The following DNMT3A variants were observed in gnomAD, a reference collection of about 807,000 sequenced individuals.
The protein encoded by DNMT3A is DNA (cytosine-5)-methyltransferase 3A.
DNMT3A carries 267 observed loss-of-function variants against 117.6 expected under a neutral mutation model. The observed-to-expected ratio is 2.27, with a 90% CI of 2.05 to 2.51. DNMT3A has a LOEUF of 2.51. Ranked by LOEUF, DNMT3A falls within the 30% of genes most tolerant of loss-of-function variation. The probability of loss-of-function intolerance (pLI) is 0.00; values close to 1 mark genes in which losing one functional copy is unlikely to be tolerated. For synonymous variants in DNMT3A, 432 were observed against 474.8 expected (o/e 0.91, Z 1.17); for missense variants, 1,029 against 1,260.2 (o/e 0.82, Z 2.78).
At chr2:25,310,315 C>T (rs1457640696) in intron 2 of DNMT3A, among the ~76,000 whole-genome samples, 1 of 151,600 alleles carries the variant, frequency 6.6e-6, no homozygotes, top group African/African-American at 2.4e-5. Flanking sequence ...CTCAGCCTCC[C>T]CACTGCTTGC....
chr2:25,259,952 C>T (rs570747941), intron 6 of DNMT3A, among the ~76,000 whole-genome samples: 54 of 152,218 alleles, frequency 3.5e-4, no homozygotes, highest in African/African-American at 1.3e-3. Flanking sequence ...GTCTTTCCCC[C>T]CCAACCCTGT....
intron 3 of DNMT3A, among the ~76,000 whole-genome samples, 156 bp downstream of exon 3, chr2:25,299,983 T>G (rs1214900592): frequency 6.6e-6 from 1 of 152,062 alleles, no homozygotes; most frequent in Non-Finnish European, 1.5e-5. Context: ...AGGGTGGGAT[T>G]TGAAGAATGG....
rs764191078 is a variant in DNMT3A at position 25,252,162 on chromosome 2, C to G, written c.640-3910G>C. ...ACCGGCCCTGCCGCCTCCCCGCCCCCGGTCTCCCCGGGGCTCCGTCCAGGA... is the reference window on the plus strand; with the variant it reads ...ACCGGCCCTGCCGCCTCCCCGCCCCGGGTCTCCCCGGGGCTCCGTCCAGGA... On this transcript the variant is annotated intron_variant, in intron 6 of 22. Coordinates refer to ENST00000321117, the MANE Select transcript of DNMT3A (RefSeq NM_022552.5). This position sits in a 1 kb window ranked among gnomAD's most constrained non-coding sequence, Gnocchi z 5.5. 1 of 1,555,930 alleles carries G rather than the reference C, an allele frequency of 6.4e-7. No individual in the cohort carries two copies. Among genetic ancestry groups the G allele is most frequent in the Non-Finnish European group, 8.7e-7 (1 of 1,151,634 alleles).
At chr2:25,307,686 C>T (rs531285993) in intron 2 of DNMT3A, among the ~76,000 whole-genome samples, 2 of 152,048 alleles carry the variant, frequency 1.3e-5, no homozygotes, top group South Asian at 4.2e-4. Context: ...GGCTGGTCTC[C>T]AACTCCTGAC....
intron 1 of DNMT3A, among the ~76,000 whole-genome samples, chr2:25,326,937 A>C (rs2034811019): frequency 6.6e-6 from 1 of 152,222 alleles, no homozygotes. Context: ...TACCTCCCAC[A>C]AACAACTTTC....
intron 9 of DNMT3A, 137 bp from the exon 10 acceptor site, chr2:25,246,913 C>CATACGG: frequency 6.7e-7 from 1 of 1,488,592 alleles, no homozygotes; most frequent in Non-Finnish European, 9.2e-7. Flanking sequence ...GCGGGATGTG[C>CATACGG]ATACGGGCGA....
chr2:25,340,462 G>C (rs892620464), intron 1 of DNMT3A, among the ~76,000 whole-genome samples: 1 of 152,098 alleles, frequency 6.6e-6, no homozygotes, highest in Non-Finnish European at 1.5e-5. Context: ...GCGATGAGGG[G>C]CTGGGGGAGG....
rs899755901 is a variant in DNMT3A, at chr2:25,279,994, A to C, written c.448+2447T>G. Among the ~76,000 whole-genome samples, 33 of 152,272 alleles carry C rather than the reference A, an allele frequency of 2.2e-4. 1 individual carries two copies. Among genetic ancestry groups the C allele is most frequent in the Non-Finnish European group, 4.6e-4 (31 of 68,016 alleles). On this transcript the variant is annotated intron_variant, in intron 4 of 22. Transcript: ENST00000321117. Reference sequence around the variant, plus strand: ...GCATGAGCCACTGTGCCCAGCCTCAAGGCCAAATTTTGGAGGTCAAGGAGA... The same window carrying C: ...GCATGAGCCACTGTGCCCAGCCTCACGGCCAAATTTTGGAGGTCAAGGAGA...
Position 25,234,215 on chromosome 2 carries a change from T to C in DNMT3A, c.*64A>G, listed in dbSNP as rs1398331330. The C allele has an allele frequency of 2.6e-6, 4 of 1,554,884 alleles. No individual in the cohort carries two copies. The highest frequency in any genetic ancestry group is 2.4e-5 in the South Asian group (2 of 82,580). ...TCCTCATGTTCTTGGTGTTTTATTA[T>C]GTTTTGTGTTTTTTGTTTGTTTGTT... On this transcript the variant is annotated 3_prime_UTR_variant, in exon 23 of 23. Coordinates refer to ENST00000321117, the MANE Select transcript of DNMT3A (RefSeq NM_022552.5). The surrounding 1 kb of genome is among the most constrained non-coding windows in gnomAD (Gnocchi z 4.5).
chr2:25,329,673 CCACACACACACACACA>C (rs55905204), intron 1 of DNMT3A, among the ~76,000 whole-genome samples: 8 of 138,394 alleles, frequency 5.8e-5, no homozygotes, highest in Non-Finnish European at 1.2e-4. Context: ...CATGCAGACC[CCACACACACACACACA>C]CACACACACA....
At chr2:25,307,862 A>G (rs1195969721) in intron 2 of DNMT3A, among the ~76,000 whole-genome samples, 3 of 152,204 alleles carry the variant, frequency 2.0e-5, no homozygotes, top group African/African-American at 7.2e-5. Flanking sequence ...TAACCCGGCC[A>G]TTAAGAGCAG....
rs112759165 is a variant in DNMT3A at position 25,240,973 on chromosome 2, C to A, written c.2083-243G>T. ...AGTATCACCCAGGCAGGCAACACAG[C>A]CACCCACTGGGAAGGTGACCCAAGT... On this transcript the variant is annotated intron_variant, in intron 17 of 22. Coordinates refer to ENST00000321117, the MANE Select transcript of DNMT3A (RefSeq NM_022552.5). 2.6e-4 allele frequency among the ~76,000 whole-genome samples: 39 copies of A among 152,322 alleles called. 1 individual carries two copies. Among genetic ancestry groups the A allele is most frequent in the African/African-American group, 7.0e-4 (29 of 41,572 alleles).
rs115095136 is a variant in DNMT3A at position 25,327,562 on chromosome 2, T to C, written c.-177-13401A>G. On this transcript the variant is annotated intron_variant, in intron 1 of 22. Transcript: ENST00000321117. The surrounding 1 kb of genome is among the most constrained non-coding windows in gnomAD (Gnocchi z 4.1). ...GTCTCCAGCCTCAGATTCTGCAGCT[T>C]TGTCTCTGGGGCTGTCCGGGAGTCT... Among the ~76,000 whole-genome samples, 304 of 152,258 alleles carry C rather than the reference T, an allele frequency of 2.0e-3. No homozygotes were observed. Among genetic ancestry groups the C allele is most frequent in the African/African-American group, 7.1e-3 (294 of 41,556 alleles).
chr2:25,307,006 AG>A (rs5829968), intron 2 of DNMT3A, among the ~76,000 whole-genome samples: 44,337 of 152,030 alleles, frequency 0.29, 6,590 homozygotes, highest in South Asian at 0.36. Context: ...ACTACTTTGT[AG>A]CCGTGTGGCC....
At chr2:25,284,358 A>T (rs1043829501) in intron 3 of DNMT3A, among the ~76,000 whole-genome samples, 1 of 152,150 alleles carries the variant, frequency 6.6e-6, no homozygotes, top group African/African-American at 2.4e-5. Context: ...TAAAAAAATC[A>T]AACTGTAGCC....
At chr2:25,273,728 A>C (rs1400892139) in intron 6 of DNMT3A, among the ~76,000 whole-genome samples, 1 of 151,554 alleles carries the variant, frequency 6.6e-6, no homozygotes, top group Non-Finnish European at 1.5e-5. Context: ...CCCGACCCCC[A>C]CAGAAGCTTC....
intron 1 of DNMT3A, among the ~76,000 whole-genome samples, chr2:25,329,710 C>CACACAG (rs1416857914): frequency 2.3e-4 from 35 of 149,624 alleles, no homozygotes; most frequent in Non-Finnish European, 3.4e-4. Context: ...CACACACACA[C>CACACAG]ACAGACACAC....
At chr2:25,316,766 G>A (rs1266941162) in intron 1 of DNMT3A, among the ~76,000 whole-genome samples, 1 of 152,268 alleles carries the variant, frequency 6.6e-6, no homozygotes, top group Admixed American at 6.5e-5. Context: ...CTGGGCCAAG[G>A]GCTGCACAGC....
In DNMT3A at chr2:25,296,875, G is replaced by A. The variant is rs1408193651; in HGVS notation, c.177+3264C>T. On this transcript the variant is annotated intron_variant, in intron 3 of 22. Coordinates refer to ENST00000321117, the MANE Select transcript of DNMT3A (RefSeq NM_022552.5). This position sits in a 1 kb window ranked among gnomAD's most constrained non-coding sequence, Gnocchi z 4.2. ...TATATCTGGACCCTCCCTGTCCAGC[G>A]CTGGCTGTGGAAGCTCACAGCCTCC... 3.3e-5 allele frequency among the ~76,000 whole-genome samples: 5 copies of A among 152,138 alleles called. No individual in the cohort carries two copies. The East Asian group carries it at 5.8e-4, about 18-fold the overall frequency.
Sources: gnomAD v4.1 joint callset for allele counts (sites outside exome capture counted in the v4.1 genomes callset) on GRCh38, gnomAD v4.1.1 for gene constraint, Gnocchi (gnomAD v3.1) non-coding constraint, MANE v1.5 for transcripts, NCBI Gene and HGNC (gene_info 2026-07-23, HGNC 2026-07-21) for gene names.